The following DNAH17 variants were observed in gnomAD, a reference collection of about 807,000 sequenced individuals.
DNAH17 encodes the protein axonemal beta dynein heavy chain 17.
DNAH17 carries 376 observed loss-of-function variants against 485.6 expected under a neutral mutation model. The observed-to-expected ratio is 0.77, with a 90% confidence interval of 0.71 to 0.84. DNAH17 has a LOEUF of 0.84. Ranked by LOEUF, DNAH17 falls within the 40% of genes least tolerant of loss-of-function variation. The probability of loss-of-function intolerance (pLI) is 0.00; values close to 1 mark genes in which losing one functional copy is unlikely to be tolerated. For synonymous variants in DNAH17, 3,031 were observed against 2,405.9 expected, an observed-to-expected ratio of 1.26 and a Z score of -7.60; for missense variants, 6,370 against 5,839.3, an observed-to-expected ratio of 1.09 and a Z score of -2.96.
In DNAH17 at chr17:78,466,599, G is replaced by A. The variant is rs534347065; in HGVS notation, c.8940+56C>T. The A allele has an allele frequency of 2.6e-6, 4 of 1,514,144 alleles. No individual in the cohort carries two copies. In the East Asian group the frequency reaches 9.6e-5, roughly 36 times the overall value. The allele number at this position is 1,514,144 out of a possible 1,614,324, so 93.8% of individuals were successfully genotyped here. A position where few individuals can be genotyped will look rare whatever the true frequency, so the allele number is the denominator to read the frequency against. On this transcript the variant is annotated intron_variant, in intron 56 of 80. Transcript: ENST00000389840. Reference sequence around the variant, plus strand: ...TTTCTCCCAGGGAGCCAGCCCTTGGGCCTGTCCTTGTCCTCTGGGCTCTAC... The same window carrying A: ...TTTCTCCCAGGGAGCCAGCCCTTGGACCTGTCCTTGTCCTCTGGGCTCTAC...
intron 10 of DNAH17, 120 bp downstream of exon 10, chr17:78,566,879 T>C (rs1191701993): frequency 3.7e-6 from 5 of 1,361,364 alleles, no homozygotes; most frequent in Non-Finnish European, 4.0e-6. Context: ...GTTTTCAAAG[T>C]GTTGGGATCA....
chr17:78,427,199 C>T, intron 77 of DNAH17, 91 bp from the exon 78 acceptor site: 1 of 1,364,696 alleles, frequency 7.3e-7, no homozygotes, highest in Non-Finnish European at 1.0e-6. Flanking sequence ...ATGTTCCCAG[C>T]CCCAAGTCCT....
intron 19 of DNAH17, among the ~76,000 whole-genome samples, chr17:78,535,605 A>T (rs976737351): frequency 6.6e-6 from 1 of 152,216 alleles, no homozygotes; most frequent in African/African-American, 2.4e-5. Flanking sequence ...ATATGTTATG[A>T]CAAATCATAC....
intron 75 of DNAH17, 78 bp downstream of exon 75, chr17:78,433,943 GGGAGGGAA>G (rs1568044933): frequency 6.0e-5 from 57 of 954,508 alleles, no homozygotes; most frequent in Non-Finnish European, 7.7e-5. Flanking sequence ...GAGGGAAGGA[GGGAGGGAA>G]GGAGGGAGGG....
intron 16 of DNAH17, 72 bp downstream of exon 16, chr17:78,551,463 C>T (rs1568241530): frequency 6.3e-6 from 9 of 1,428,856 alleles, no homozygotes; most frequent in South Asian, 2.3e-5. Context: ...TGGGCCTCTA[C>T]GTAGCCTGGT....
intron 37 of DNAH17, 78 bp downstream of exon 37, chr17:78,498,930 T>C (rs2090172423): frequency 8.8e-7 from 1 of 1,132,438 alleles, no homozygotes; most frequent in South Asian, 1.6e-5. Context: ...GGAGGGTCTA[T>C]CTGGCGTGTG....
At chr17:78,468,954 A>AG in intron 54 of DNAH17, 71 bp from the exon 55 acceptor site, 1 of 1,533,832 alleles carries the variant, frequency 6.5e-7, no homozygotes, top group Non-Finnish European at 8.7e-7. Context: ...CTCCACAACC[A>AG]ACCAGAGCAC....
chr17:78,516,459 G>A (rs1179160887), intron 25 of DNAH17, among the ~76,000 whole-genome samples: 3 of 152,172 alleles, frequency 2.0e-5, no homozygotes, highest in Non-Finnish European at 4.4e-5. Flanking sequence ...GGCCGAGGCG[G>A]GTGGATCACC....
chr17:78,563,641 T>C (rs1311534457), intron 11 of DNAH17, among the ~76,000 whole-genome samples: 2 of 152,122 alleles, frequency 1.3e-5, no homozygotes, highest in Non-Finnish European at 2.9e-5. Flanking sequence ...TTTAATGACT[T>C]TTGGAAAGGA....
chr17:78,429,029 CAATTATT>C, intron 76 of DNAH17, 85 bp downstream of exon 76: 1 of 1,405,438 alleles, frequency 7.1e-7, no homozygotes, highest in Non-Finnish European at 9.8e-7. Context: ...GGTTCTTGCT[CAATTATT>C]GACACTCCAT....
At chr17:78,515,269 G>A (rs2090750849) in intron 25 of DNAH17, among the ~76,000 whole-genome samples, 1 of 152,222 alleles carries the variant, frequency 6.6e-6, no homozygotes, top group Non-Finnish European at 1.5e-5. Context: ...ACTACTTTGG[G>A]AGGCCGAGGT....
At chr17:78,483,270 G>C (rs1053220992) in intron 48 of DNAH17, among the ~76,000 whole-genome samples, 1 of 152,178 alleles carries the variant, frequency 6.6e-6, no homozygotes, top group East Asian at 1.9e-4. Context: ...TCCTATAGTC[G>C]TGAGCTCTGG....
intron 37 of DNAH17, among the ~76,000 whole-genome samples, chr17:78,498,141 CA>C (rs55710822): frequency 0.83 from 124,765 of 150,722 alleles, 51,722 homozygotes; most frequent in East Asian, 0.98. Flanking sequence ...AACTCCGTCT[CA>C]AAAAAACAAA....
chr17:78,529,993 C>T (rs1489901835), intron 21 of DNAH17, among the ~76,000 whole-genome samples: 1 of 152,236 alleles, frequency 6.6e-6, no homozygotes, highest in African/African-American at 2.4e-5. Flanking sequence ...GCAATGCTCT[C>T]TCCTGGCACT....
In DNAH17 at chr17:78,561,948, C is replaced by A. The variant is rs771741024; in HGVS notation, c.1602G>T (p.Arg534=). ...GCGCCACCTCGGCAAGAATCAGGGG[C>A]CGCTCCATGAGGCCCCCACACATGT... ...LLYMCGGLME[R]PLILAEVAPR... is the part of the protein sequence containing the mutation. Residue 534 remains arginine (R), a synonymous_variant, in exon 12 of 81, where the codon CGG becomes CGT. Transcript: ENST00000389840. The A allele has an allele frequency of 3.7e-6, 6 of 1,611,646 alleles. No individual in the cohort carries two copies. The Admixed American group carries it at 8.4e-5, about 22-fold the overall frequency.
intron 11 of DNAH17, among the ~76,000 whole-genome samples, chr17:78,565,296 G>A (rs1489081046): frequency 6.6e-6 from 1 of 152,216 alleles, no homozygotes; most frequent in African/African-American, 2.4e-5. Flanking sequence ...TTCAACCACA[G>A]CAAGGAGGTG....
rs759077838 is a variant in DNAH17 at position 78,571,727 on chromosome 17, C to T, written c.595G>A (p.Asp199Asn). Residue 199 changes from aspartate (D) to asparagine (N), a missense_variant, in exon 4 of 81, where the codon GAC becomes AAC. Transcript: ENST00000389840. The stretch of plus-strand genomic sequence containing the variant: ...ACATCCCGGATCTGGTGGGACCAGT[C>T]GATGATGGTGGTTTCAATGGCGTGC... ...LLHAIETTII[D>N]WSHQIRDVLS... 1.2e-5 allele frequency: 19 copies of T among 1,612,464 alleles called. No individual in the cohort carries two copies. The highest frequency in any genetic ancestry group is 1.7e-5 in the Admixed American group (1 of 59,890).
Position 78,506,853 on chromosome 17 carries a change from G to C in DNAH17, c.4677-7C>G. 2 of 1,613,896 alleles carry C rather than the reference G, an allele frequency of 1.2e-6. No individual in the cohort carries two copies. Among genetic ancestry groups the C allele is most frequent in the Non-Finnish European group, 1.7e-6 (2 of 1,179,850 alleles). On this transcript the variant is annotated splice_polypyrimidine_tract_variant and splice_region_variant and intron_variant, in intron 29 of 80. Transcript: ENST00000389840. ...CTTTTCACAGATGGCCAAGCTGGGAGGAAGGAAGGAAGTAGAGGAGGCCGG... is the reference window on the plus strand; with the variant it reads ...CTTTTCACAGATGGCCAAGCTGGGACGAAGGAAGGAAGTAGAGGAGGCCGG...
intron 16 of DNAH17, among the ~76,000 whole-genome samples, chr17:78,545,754 T>C (rs2091743328): frequency 6.6e-6 from 1 of 152,200 alleles, no homozygotes. Context: ...TCAACTCTTC[T>C]AATAGCTTTT....
Sources: gnomAD v4.1 joint callset for allele counts (sites outside exome capture counted in the v4.1 genomes callset) on GRCh38, gnomAD v4.1.1 for gene constraint, MANE v1.5 for transcripts, NCBI Gene and HGNC (gene_info 2026-07-23, HGNC 2026-07-21) for gene names.